The following SYNJ2 variants were observed in gnomAD, a reference collection of about 807,000 sequenced individuals.
SYNJ2 encodes the protein synaptojanin 2.
A neutral mutation model predicts 141.3 loss-of-function variants in SYNJ2; 116 were observed. The ratio of observed to expected loss-of-function variants is 0.82; its 90% CI spans 0.71 to 0.96. SYNJ2 has a LOEUF of 0.96. Ranked by LOEUF, SYNJ2 falls within the 40% of genes least tolerant of loss-of-function variation. SYNJ2 has a pLI of 0.00. For missense variants in SYNJ2, 1,873 were observed against 1,934.8 expected, an observed-to-expected ratio of 0.97 and a Z score of 0.60; for synonymous variants, 745 against 777.7, an observed-to-expected ratio of 0.96 and a Z score of 0.70.
Position 158,093,036 on chromosome 6 carries a change from C to G in SYNJ2, c.3676C>G (p.Leu1226Val), listed in dbSNP as rs142460538. Reference sequence around the variant, plus strand: ...ACCAGAGACCCCACAGGCGCCCCCACTCCTTCCCCGTCGGCCCCCACCCAG... The same window carrying G: ...ACCAGAGACCCCACAGGCGCCCCCAGTCCTTCCCCGTCGGCCCCCACCCAG... ...AKPETPQAPP[L>V]LPRRPPPRVP... Residue 1226 changes from leucine (L) to valine (V), a missense_variant, in exon 26 of 27, where the codon CTC becomes GTC. Physicochemically the swap from Leu to Val is conservative, Grantham distance 32. Coordinates refer to ENST00000355585, the MANE Select transcript of SYNJ2 (RefSeq NM_003898.4). 10 of 1,611,516 alleles carry G rather than the reference C, an allele frequency of 6.2e-6. No individual in the cohort carries two copies. Among genetic ancestry groups the G allele is most frequent in the Admixed American group, 1.7e-5 (1 of 58,856 alleles).
intron 1 of SYNJ2, among the ~76,000 whole-genome samples, chr6:157,991,013 C>T (rs1229876611): frequency 6.6e-6 from 1 of 152,188 alleles, no homozygotes; most frequent in African/African-American, 2.4e-5. Flanking sequence ...ATCCCAAGCC[C>T]CAGTCTCTTT....
Position 158,083,496 on chromosome 6 carries a change from T to G in SYNJ2, c.2933T>G (p.Ile978Ser). ...TGGCTGAAAGGTTTGCGAGAGGAGA[T>G]CATTCGGAAACGAGACAGCATGGCC... The part of the protein sequence containing the change: ...KDWLKGLREE[I>S]IRKRDSMAPV... The change falls in exon 21 of 27, where the codon ATC (isoleucine) becomes AGC (serine). Residue 978 changes from isoleucine to serine, a missense_variant. Ile to Ser is a moderately radical substitution (Grantham distance 142, BLOSUM62 -2). Transcript: ENST00000355585. 2 of 1,614,004 alleles carry G rather than the reference T, an allele frequency of 1.2e-6. No homozygotes were observed. Among genetic ancestry groups the G allele is most frequent in the Non-Finnish European group, 1.7e-6 (2 of 1,180,006 alleles).
intron 14 of SYNJ2, 107 bp downstream of exon 14, chr6:158,069,780 C>A (rs978358321): frequency 7.6e-7 from 1 of 1,319,176 alleles, no homozygotes; most frequent in South Asian, 2.0e-5. Flanking sequence ...TAACAGGAAT[C>A]GGGACTTACC....
At chr6:158,061,000 G>T (rs932224273) in intron 7 of SYNJ2, among the ~76,000 whole-genome samples, 2 of 152,274 alleles carry the variant, frequency 1.3e-5, no homozygotes, top group Admixed American at 6.5e-5. Context: ...CAGTCCTGCT[G>T]GATGAAGCAC....
intron 5 of SYNJ2, among the ~76,000 whole-genome samples, chr6:158,051,517 C>T (rs1386260327): frequency 6.6e-6 from 1 of 151,934 alleles, no homozygotes; most frequent in African/African-American, 2.4e-5. Context: ...AAAAAAAAAC[C>T]CCACAGGTTT....
intron 5 of SYNJ2, among the ~76,000 whole-genome samples, chr6:158,047,774 CAAAAAAAAAAA>C (rs58147972): frequency 0.01 from 335 of 32,396 alleles, 6 homozygotes; most frequent in African/African-American, 0.043. Context: ...GCGACTCTGT[CAAAAAAAAAAA>C]AAAAAAAAAA....
In SYNJ2 at chr6:158,088,716, G is replaced by A; in HGVS notation, c.3400G>A (p.Gly1134Arg). 1 of 1,614,078 alleles carries A rather than the reference G, an allele frequency of 6.2e-7. No individual in the cohort carries two copies. The highest frequency in any genetic ancestry group is 8.5e-7 in the Non-Finnish European group (1 of 1,180,002). Residue 1134 changes from glycine (G) to arginine (R), a missense_variant, in exon 24 of 27, where the codon GGA becomes AGA. By Grantham distance (125) the Gly-to-Arg change is moderately radical (BLOSUM62 -2). Transcript: ENST00000355585. Reference sequence around the variant, plus strand: ...TGCGTCCATCTCCTCCGGCACCCATGGACAGTATTCAATTTTGCAGACGGC... The same window carrying A: ...TGCGTCCATCTCCTCCGGCACCCATAGACAGTATTCAATTTTGCAGACGGC... Reference protein sequence around the residue: ...SDASISSGTHGQYSILQTARL... With the variant: ...SDASISSGTHRQYSILQTARL...
intron 8 of SYNJ2, 122 bp downstream of exon 8, chr6:158,062,286 A>T: frequency 6.8e-7 from 1 of 1,461,410 alleles, no homozygotes; most frequent in Non-Finnish European, 9.1e-7. Context: ...GCAGTCTAGG[A>T]CATGTGCCCT....
chr6:158,019,666 G>A (rs1032539991), intron 2 of SYNJ2, among the ~76,000 whole-genome samples: 5 of 152,198 alleles, frequency 3.3e-5, no homozygotes, highest in South Asian at 2.1e-4. Flanking sequence ...TGGACCATGC[G>A]AGACCAGCCC....
At position 158,071,531 on chromosome 6, in the gene SYNJ2, T is replaced by C. The variant is rs1376420475; in HGVS notation, c.1941-71T>C. ...CAGGTCCCGAGCTGCTGCTGGGCCC[T>C]TCTCTGTGGCAAAGCAGGGTCACAC... On this transcript the variant is annotated intron_variant, in intron 14 of 26. Transcript: ENST00000355585. This position sits in a 1 kb window ranked among gnomAD's most constrained non-coding sequence, Gnocchi z 4.3. 6.5e-7 allele frequency: 1 copy of C among 1,549,694 alleles called. No individual in the cohort carries two copies. The highest frequency in any genetic ancestry group is 8.7e-7 in the Non-Finnish European group (1 of 1,146,342).
chr6:158,074,579 G>A lies in SYNJ2; in HGVS notation c.2134-1G>A. The A allele has an allele frequency of 1.9e-6, 3 of 1,610,832 alleles. No homozygotes were observed. The highest frequency in any genetic ancestry group is 2.5e-6 in the Non-Finnish European group (3 of 1,178,808). On this transcript the variant is annotated splice_acceptor_variant, in intron 15 of 26. Transcript: ENST00000355585. LOFTEE classifies it high-confidence loss of function. ...TGATTATGATTTTCTTTTCAACTTA[G>A]GGGAGAAATGTTTTTTCTCATGATT...
intron 7 of SYNJ2, among the ~76,000 whole-genome samples, chr6:158,060,364 G>A (rs973957784): frequency 3.3e-5 from 5 of 152,170 alleles, no homozygotes; most frequent in South Asian, 2.1e-4. Flanking sequence ...CTCCCCAGGC[G>A]CAAGACGTTC....
At chr6:158,092,435 G>A (rs900664782) in intron 25 of SYNJ2, among the ~76,000 whole-genome samples, 2 of 152,136 alleles carry the variant, frequency 1.3e-5, no homozygotes, top group Non-Finnish European at 2.9e-5. Flanking sequence ...GAATCCAGGA[G>A]TTCGAGACAA....
Position 158,066,475 on chromosome 6 carries a change from G to A in SYNJ2, c.1557G>A (p.Glu519=). The A allele has an allele frequency of 1.9e-6, 3 of 1,614,186 alleles. No individual in the cohort carries two copies. Among genetic ancestry groups the A allele is most frequent in the Non-Finnish European group, 2.5e-6 (3 of 1,180,046 alleles). The change falls in exon 12 of 27, where the codon GAG becomes GAA. Residue 519 remains glutamate, a synonymous_variant. Coordinates refer to ENST00000355585, the MANE Select transcript of SYNJ2 (RefSeq NM_003898.4). ...CCAGGATCCTGAAAGCTATGACTGA[G>A]CGTCAGTCCGAATTCACAAATTTCA... ...VTPRILKAMT[E]RQSEFTNFKR...
At chr6:158,091,716 C>T (rs186409298) in intron 25 of SYNJ2, among the ~76,000 whole-genome samples, 40 of 149,240 alleles carry the variant, frequency 2.7e-4, no homozygotes, top group African/African-American at 9.7e-4. Context: ...CGCCACTGCA[C>T]TCCAGCCTGG....
chr6:158,044,574 G>A (rs764085079), intron 5 of SYNJ2, among the ~76,000 whole-genome samples: 15 of 152,182 alleles, frequency 9.9e-5, no homozygotes, highest in Non-Finnish European at 1.9e-4. Flanking sequence ...AAACTCCTCC[G>A]GAGGGCTGCC....
intron 18 of SYNJ2, among the ~76,000 whole-genome samples, chr6:158,080,554 C>G (rs1391913075): frequency 2.0e-5 from 3 of 150,332 alleles, no homozygotes; most frequent in Non-Finnish European, 4.4e-5. Flanking sequence ...TGATCAACCT[C>G]ATGCATTAAA....
intron 8 of SYNJ2, among the ~76,000 whole-genome samples, chr6:158,062,583 G>A (rs1444537151): frequency 6.6e-6 from 1 of 152,166 alleles, no homozygotes; most frequent in Non-Finnish European, 1.5e-5. Context: ...TAGATTGCTA[G>A]AGGAGACCAG....
intron 2 of SYNJ2, among the ~76,000 whole-genome samples, chr6:158,019,160 T>G (rs543402235): frequency 1.1e-3 from 164 of 152,372 alleles, no homozygotes; most frequent in Middle Eastern, 3.4e-3. Context: ...TCAGTTATAG[T>G]TGGCAGCTGC....
Sources: allele counts gnomAD v4.1 joint callset (sites outside exome capture counted in the v4.1 genomes callset), GRCh38; gene constraint gnomAD v4.1.1; non-coding constraint Gnocchi (gnomAD v3.1); transcripts MANE v1.5; gene names NCBI Gene and HGNC (gene_info 2026-07-23, HGNC 2026-07-21).